Variants in WDR7 observed in about 807,000 individuals in gnomAD.
The protein encoded by WDR7 is WD repeat domain 7.
In WDR7, 46 loss-of-function variants were observed where a neutral mutation model predicts 169.4. The observed-to-expected ratio is 0.27, with a 90% CI of 0.21 to 0.35. WDR7 has a LOEUF of 0.35. Among genes scored for constraint, WDR7 ranks in the 10% least tolerant of loss-of-function variants. The pLI, the probability that WDR7 is intolerant of heterozygous loss-of-function variation, is 1.00. For missense variants in WDR7, 1,534 were observed against 1,859.3 expected, an observed-to-expected ratio of 0.83 and a Z score of 3.22; for synonymous variants, 612 against 666.8, an observed-to-expected ratio of 0.92 and a Z score of 1.27.
chr18:56,929,725 T>C (rs1351421163), intron 22 of WDR7, among the ~76,000 whole-genome samples: 1 of 152,232 alleles, frequency 6.6e-6, no homozygotes, highest in African/African-American at 2.4e-5. Flanking sequence ...TGTTCATTCA[T>C]GATGAACTGT....
intron 16 of WDR7, among the ~76,000 whole-genome samples, chr18:56,776,314 T>C (rs1451528603): frequency 6.6e-6 from 1 of 152,198 alleles, no homozygotes; most frequent in African/African-American, 2.4e-5. Context: ...AAAGTTGAAA[T>C]GATCTTAGTG....
chr18:56,914,416 A>G (rs191132443), intron 21 of WDR7, among the ~76,000 whole-genome samples: 321 of 152,334 alleles, frequency 2.1e-3, no homozygotes, highest in African/African-American at 7.2e-3. Flanking sequence ...GTAAATCTGC[A>G]CTTAAAATAG....
rs142363942 is a variant in WDR7 at position 56,707,421 on chromosome 18, G to A, written c.1579-10543G>A. ...TCTTCCTCTGACAGTCTAACTTTGC[G>A]TTTTGTTTTTTTTTTTTTTTGGCAT... On this transcript the variant is annotated intron_variant, in intron 12 of 27. Coordinates refer to ENST00000254442, the MANE Select transcript of WDR7 (RefSeq NM_015285.3). Among the ~76,000 whole-genome samples, 231 of 144,354 alleles carry A rather than the reference G, an allele frequency of 1.6e-3. 1 individual carries two copies. Among genetic ancestry groups the A allele is most frequent in the African/African-American group, 5.5e-3 (215 of 39,274 alleles). The allele number at this position is 144,354 out of a possible 152,430, so 94.7% of individuals were successfully genotyped here. A position where few individuals can be genotyped will look rare whatever the true frequency, so the allele number is the denominator to read the frequency against.
At chr18:56,938,078 T>A (rs1286870772) in intron 23 of WDR7, among the ~76,000 whole-genome samples, 2 of 152,148 alleles carry the variant, frequency 1.3e-5, no homozygotes, top group Non-Finnish European at 2.9e-5. Flanking sequence ...TGGAGGGGAT[T>A]AGTCTTGCTA....
chr18:56,739,423 C>T (rs1050085889), intron 14 of WDR7, among the ~76,000 whole-genome samples: 2 of 152,076 alleles, frequency 1.3e-5, no homozygotes, highest in Non-Finnish European at 2.9e-5. Flanking sequence ...CTTCTTTTTA[C>T]ATTTTAGTTG....
intron 13 of WDR7, among the ~76,000 whole-genome samples, chr18:56,725,052 A>G (rs2026412440): frequency 6.6e-6 from 1 of 151,196 alleles, no homozygotes; most frequent in Admixed American, 6.6e-5. Context: ...CCAGTCTATC[A>G]TTGTTGGACA....
intron 26 of WDR7, among the ~76,000 whole-genome samples, chr18:57,006,278 G>A (rs1272831911): frequency 6.6e-6 from 1 of 151,714 alleles, no homozygotes; most frequent in South Asian, 2.1e-4. Context: ...CAGGATTCAC[G>A]TCTGCTTGGA....
intron 21 of WDR7, among the ~76,000 whole-genome samples, chr18:56,881,588 T>C (rs2046108916): frequency 1.3e-5 from 2 of 152,176 alleles, no homozygotes; most frequent in African/African-American, 4.8e-5. Context: ...TAATATGTGC[T>C]GTAACTTTAC....
intron 1 of WDR7, among the ~76,000 whole-genome samples, chr18:56,667,529 C>T (rs2025049651): frequency 6.6e-6 from 1 of 152,068 alleles, no homozygotes; most frequent in African/African-American, 2.4e-5. Flanking sequence ...TTTCTCTCAT[C>T]CCCAAACCTA....
chr18:56,691,841 A>G (rs1164957888), intron 9 of WDR7, 24 bp downstream of exon 9: 1 of 1,561,384 alleles, frequency 6.4e-7, no homozygotes, highest in Admixed American at 1.8e-5. Flanking sequence ...GGTGTCATTT[A>G]TAATTGAAAG....
chr18:56,900,553 C>T (rs1043531918), intron 21 of WDR7, among the ~76,000 whole-genome samples: 3 of 152,164 alleles, frequency 2.0e-5, no homozygotes, highest in Non-Finnish European at 4.4e-5. Flanking sequence ...GCTACTACCT[C>T]GTCTAGGGTG....
chr18:56,820,086 G>A (rs1016778447), intron 20 of WDR7, among the ~76,000 whole-genome samples: 1 of 151,640 alleles, frequency 6.6e-6, no homozygotes, highest in African/African-American at 2.4e-5. Context: ...CTTTTATCAT[G>A]GTACAGTATA....
intron 27 of WDR7, among the ~76,000 whole-genome samples, chr18:57,021,368 C>T (rs530588380): frequency 1.3e-5 from 2 of 152,330 alleles, no homozygotes; most frequent in South Asian, 4.2e-4. Flanking sequence ...ACGAGGCCTT[C>T]ACACTTGGTC....
chr18:56,718,295 A>T, intron 13 of WDR7, 136 bp downstream of exon 13: 1 of 952,428 alleles, frequency 1.0e-6, no homozygotes, highest in Non-Finnish European at 1.5e-6. Context: ...TAATTGTTTA[A>T]GTGGCCTCTT....
At chr18:56,828,528 G>A (rs940983010) in intron 20 of WDR7, among the ~76,000 whole-genome samples, 1 of 152,080 alleles carries the variant, frequency 6.6e-6, no homozygotes, top group African/African-American at 2.4e-5. Context: ...TAATAGACAA[G>A]ACGGATATGG....
At chr18:56,754,369 A>G (rs1439584577) in intron 14 of WDR7, among the ~76,000 whole-genome samples, 2 of 150,916 alleles carry the variant, frequency 1.3e-5, no homozygotes, top group East Asian at 3.9e-4. Context: ...GTGTATATAT[A>G]CACGTATATA....
intron 21 of WDR7, among the ~76,000 whole-genome samples, chr18:56,882,089 A>G (rs1445083031): frequency 4.6e-5 from 7 of 152,158 alleles, no homozygotes; most frequent in African/African-American, 1.7e-4. Context: ...CTACATGCTT[A>G]CTGGCTCCTA....
chr18:56,952,051 C>A (rs2047191712), intron 25 of WDR7, among the ~76,000 whole-genome samples: 1 of 152,290 alleles, frequency 6.6e-6, no homozygotes, highest in African/African-American at 2.4e-5. Flanking sequence ...ATTATCTTAT[C>A]CGCTTCCACC....
chr18:56,895,128 T>C (rs8085618), intron 21 of WDR7, among the ~76,000 whole-genome samples: 116,251 of 151,792 alleles, frequency 0.77, 45,480 homozygotes, highest in East Asian at 0.95. Context: ...AGCATGGACA[T>C]TTTAGCAAAT....
Sources: allele counts gnomAD v4.1 joint callset (sites outside exome capture counted in the v4.1 genomes callset), GRCh38; gene constraint gnomAD v4.1.1; transcripts MANE v1.5; gene names NCBI Gene and HGNC (gene_info 2026-07-23, HGNC 2026-07-21).